Variants in TRIP13 observed in about 807,000 individuals in gnomAD.
TRIP13 encodes pachytene checkpoint protein 2 homolog.
Under a neutral mutation model 54.4 loss-of-function variants are expected in TRIP13, and 25 were observed. The ratio of observed to expected loss-of-function variants is 0.46; its 90% confidence interval spans 0.33 to 0.64. The LOEUF (loss-of-function observed/expected upper bound fraction) is 0.64. TRIP13 is among the 30% of genes least tolerant of loss of function. The pLI is 0.02. For missense variants in TRIP13, 373 were observed against 534.2 expected (o/e 0.70, Z 2.97); for synonymous variants, 207 against 207.8 (o/e 1.00, Z 0.03).
chr5:893,313 G>A (rs1229814539), intron 1 of TRIP13, among the ~76,000 whole-genome samples: 1 of 152,008 alleles, frequency 6.6e-6, no homozygotes, highest in Non-Finnish European at 1.5e-5. Context: ...CCCGAGCCCT[G>A]CGCGCAGGAC....
rs749238828 is a variant in TRIP13, at chr5:892,959, G to T, written c.-40G>T. The T allele has an allele frequency of 6.9e-7, 1 of 1,453,620 alleles. No homozygotes were observed. The highest frequency in any genetic ancestry group is 1.3e-5 in the South Asian group (1 of 74,280). 90.0% of individuals were successfully genotyped at this position (1,453,620 alleles called of 1,614,324 possible). A position where few individuals can be genotyped will look rare whatever the true frequency, so the allele number is the denominator to read the frequency against. On this transcript the variant is annotated 5_prime_UTR_variant, in exon 1 of 13. Transcript: ENST00000166345. ...CGACGCTGGGCGTGAGGTGGCGGCG[G>T]CCGCGCCCTGGTTGGGTCCCCACTG...
intron 9 of TRIP13, among the ~76,000 whole-genome samples, chr5:910,125 C>G (rs978670707): frequency 6.6e-6 from 1 of 152,230 alleles, no homozygotes; most frequent in African/African-American, 2.4e-5. Flanking sequence ...CCCCACCTGG[C>G]TTGTCTCTCA....
rs1754174358 is a variant in TRIP13 at position 908,915 on chromosome 5, GC to G, written c.866+456del. On this transcript the variant is annotated intron_variant, in intron 9 of 12. Transcript: ENST00000166345. The surrounding 1 kb of genome is among the most constrained non-coding windows in gnomAD (Gnocchi z 5.2). ...AGAACTTGCAGTGAGCCGAGATCAT[GC>G]CACTGCACTCCAGCCTGGGTGACAG... is the stretch of plus-strand genomic sequence containing the variant. 6.0e-6 allele frequency: 1 copy of G among 166,656 alleles called. No homozygotes were observed. Among genetic ancestry groups the G allele is most frequent in the African/African-American group, 2.4e-5 (1 of 41,846 alleles). The allele number at this position is 166,656 out of a possible 1,614,324, so 10.3% of individuals were successfully genotyped here. A position where few individuals can be genotyped will look rare whatever the true frequency, so the allele number is the denominator to read the frequency against.
chr5:908,457 A>G lies in TRIP13; in HGVS notation c.862A>G (p.Lys288Glu). 6.2e-7 allele frequency: 1 copy of G among 1,613,662 alleles called. No individual in the cohort carries two copies. Among genetic ancestry groups the G allele is most frequent in the Non-Finnish European group, 8.5e-7 (1 of 1,179,996 alleles). ...NAVLTQIDQI[K>E]RHSNVVILTT... ...TGTCTTGACCCAAATTGATCAGATT[A>G]AAAGGTAACCAGGACATGCAGCAAT... Residue 288 changes from lysine (K) to glutamate (E), a missense_variant, in exon 9 of 13, where the codon AAA becomes GAA. Physicochemically the swap from Lys to Glu is moderately conservative, Grantham distance 56. Transcript: ENST00000166345. This position sits in a 1 kb window ranked among gnomAD's most constrained non-coding sequence, Gnocchi z 5.2.
chr5:912,598 G>A lies in TRIP13; in HGVS notation c.1020+602G>A, dbSNP rs114566324. Reference sequence around the variant, plus strand: ...CGTCGCCACGGGCACAGTGACGTGCGGTGAGTGTGAGTCAGGAGGGCCGTC... The same window carrying A: ...CGTCGCCACGGGCACAGTGACGTGCAGTGAGTGTGAGTCAGGAGGGCCGTC... On this transcript the variant is annotated intron_variant, in intron 10 of 12. Coordinates refer to ENST00000166345, the MANE Select transcript of TRIP13 (RefSeq NM_004237.4). This position sits in a 1 kb window ranked among gnomAD's most constrained non-coding sequence, Gnocchi z 7.2. 3.3e-5 allele frequency among the ~76,000 whole-genome samples: 5 copies of A among 150,668 alleles called. No homozygotes were observed. The South Asian group carries it at 6.4e-4, about 19-fold the overall frequency.
intron 4 of TRIP13, 31 bp downstream of exon 4, chr5:900,580 C>G: frequency 1.9e-6 from 3 of 1,606,674 alleles, no homozygotes; most frequent in Non-Finnish European, 2.5e-6. Flanking sequence ...CCAGAATGCC[C>G]TGTTATTTGA....
At position 915,736 on chromosome 5, in the gene TRIP13, G is replaced by A. The variant is rs1754328505; in HGVS notation, c.1134-168G>A. Reference sequence around the variant, plus strand: ...CCGGGGGCAAAGAGACATTCAGAGGGCAAGGCTCAGGAGACCAGTGAGGGG... The same window carrying A: ...CCGGGGGCAAAGAGACATTCAGAGGACAAGGCTCAGGAGACCAGTGAGGGG... On this transcript the variant is annotated intron_variant, in intron 11 of 12. Transcript: ENST00000166345. This position sits in a 1 kb window ranked among gnomAD's most constrained non-coding sequence, Gnocchi z 4.2. 6.6e-6 allele frequency among the ~76,000 whole-genome samples: 1 copy of A among 152,186 alleles called. No homozygotes were observed.
rs781152362 is a variant in TRIP13, at chr5:907,938, T to A, written c.673-50T>A. 273 of 1,587,360 alleles carry A rather than the reference T, an allele frequency of 1.7e-4. No homozygotes were observed. The highest frequency in any genetic ancestry group is 2.2e-4 in the Non-Finnish European group (253 of 1,155,544). ...CCACATCAGGGTCCCCCTGTGCACC[T>A]GGCAGTGTGGTCCCTGCACGTTGAC... is the stretch of plus-strand genomic sequence containing the variant. On this transcript the variant is annotated intron_variant, in intron 7 of 12. Coordinates refer to ENST00000166345, the MANE Select transcript of TRIP13 (RefSeq NM_004237.4). This position sits in a 1 kb window ranked among gnomAD's most constrained non-coding sequence, Gnocchi z 4.1.
chr5:894,177 C>G (rs539708143), intron 1 of TRIP13, among the ~76,000 whole-genome samples: 1 of 152,246 alleles, frequency 6.6e-6, no homozygotes, highest in Admixed American at 6.5e-5. Context: ...CAGAGGGAGG[C>G]AGACATTGAA....
At chr5:904,679 AT>A (rs377141639) in intron 6 of TRIP13, among the ~76,000 whole-genome samples, 6 of 132,948 alleles carry the variant, frequency 4.5e-5, no homozygotes, top group Middle Eastern at 3.8e-3. Context: ...GTGCTTTTTC[AT>A]TTTTTTTTTC....
At chr5:905,256 G>T (rs544354509) in intron 6 of TRIP13, among the ~76,000 whole-genome samples, 1 of 152,110 alleles carries the variant, frequency 6.6e-6, no homozygotes, top group African/African-American at 2.4e-5. Context: ...CCACTCTGGC[G>T]GTCGGAGTAT....
intron 5 of TRIP13, among the ~76,000 whole-genome samples, chr5:902,744 G>A (rs1188999101): frequency 1.3e-5 from 2 of 152,138 alleles, no homozygotes; most frequent in African/African-American, 4.8e-5. Context: ...CGAATGCCAG[G>A]CTGCGCTGAT....
chr5:894,748 A>G (rs1355682658), intron 1 of TRIP13, 39 bp from the exon 2 acceptor site: 3 of 1,563,876 alleles, frequency 1.9e-6, no homozygotes, highest in Non-Finnish European at 2.6e-6. Context: ...TTGTTTTTGA[A>G]CTAAGATCAT....
chr5:912,603 G>A lies in TRIP13; in HGVS notation c.1020+607G>A, dbSNP rs115032723. Among the ~76,000 whole-genome samples, 838 of 151,934 alleles carry A rather than the reference G, an allele frequency of 5.5e-3. 6 individuals are homozygous for A. The highest frequency in any genetic ancestry group is 0.02 in the African/African-American group (814 of 41,438). On this transcript the variant is annotated intron_variant, in intron 10 of 12. Coordinates refer to ENST00000166345, the MANE Select transcript of TRIP13 (RefSeq NM_004237.4). The surrounding 1 kb of genome is among the most constrained non-coding windows in gnomAD (Gnocchi z 7.2). ...CCACGGGCACAGTGACGTGCGGTGA[G>A]TGTGAGTCAGGAGGGCCGTCGCCAC...
In TRIP13 at chr5:911,690, G is replaced by T. The variant is rs1754235403; in HGVS notation, c.867-153G>T. Among the ~76,000 whole-genome samples, 1 of 152,236 alleles carries T rather than the reference G, an allele frequency of 6.6e-6. No homozygotes were observed. Among genetic ancestry groups the T allele is most frequent in the Non-Finnish European group, 1.5e-5 (1 of 68,048 alleles). ...GAGCAGCGAGAGCAAAGGCTGGGGG[G>T]TCTGCGTGGCCTGTGTTGGCACAAG... is the stretch of plus-strand genomic sequence containing the variant. On this transcript the variant is annotated intron_variant, in intron 9 of 12. Coordinates refer to ENST00000166345, the MANE Select transcript of TRIP13 (RefSeq NM_004237.4). The surrounding 1 kb of genome is among the most constrained non-coding windows in gnomAD (Gnocchi z 4.7).
At chr5:896,625 T>C (rs781068957) in intron 2 of TRIP13, 40 bp from the exon 3 acceptor site, 6 of 1,585,614 alleles carry the variant, frequency 3.8e-6, no homozygotes, top group Non-Finnish European at 2.6e-6. Flanking sequence ...TAAGTGAGAG[T>C]TGGAAATGTG....
chr5:900,473 C>T (rs748620566), intron 3 of TRIP13, 21 bp from the exon 4 acceptor site: 7 of 1,613,050 alleles, frequency 4.3e-6, no homozygotes, highest in Non-Finnish European at 5.9e-6. Context: ...GAAATCAGGT[C>T]TTTGTTTAAT....
chr5:894,432 G>A (rs927175972), intron 1 of TRIP13, among the ~76,000 whole-genome samples: 1 of 152,196 alleles, frequency 6.6e-6, no homozygotes, highest in African/African-American at 2.4e-5. Context: ...CACAGCTGTG[G>A]AACTTCATTA....
At chr5:894,468 C>G (rs6555569) in intron 1 of TRIP13, among the ~76,000 whole-genome samples, 25,410 of 152,198 alleles carry the variant, frequency 0.17, 4,663 homozygotes, top group African/African-American at 0.46. Flanking sequence ...AACATTATTG[C>G]GTGCTTACTA....
Sources: allele counts gnomAD v4.1 joint callset (sites outside exome capture counted in the v4.1 genomes callset), GRCh38; gene constraint gnomAD v4.1.1; non-coding constraint Gnocchi (gnomAD v3.1); transcripts MANE v1.5; gene names NCBI Gene and HGNC (gene_info 2026-07-23, HGNC 2026-07-21).